RNGTT: variants seen among roughly 807,000 people sequenced by gnomAD.
RNGTT encodes the protein mRNA-capping enzyme.
In RNGTT, 33 loss-of-function variants were observed where a neutral mutation model predicts 79.3. That is an observed-to-expected ratio of 0.42 (90% CI 0.32 to 0.56). The LOEUF is 0.56. RNGTT is among the 20% of genes least tolerant of loss of function. RNGTT has a pLI of 0.17. For missense variants in RNGTT, 497 were observed against 739.1 expected (o/e 0.67, Z 3.80); for synonymous variants, 222 against 235.9 (o/e 0.94, Z 0.54).
intron 4 of RNGTT, among the ~76,000 whole-genome samples, chr6:88,913,227 CAAAAA>C (rs869096332): frequency 9.1e-6 from 1 of 110,300 alleles, no homozygotes. Flanking sequence ...AAAAAAAAAA[CAAAAA>C]AAAAAAAGCC....
chr6:88,616,952 GA>G (rs1424895096), intron 14 of RNGTT, among the ~76,000 whole-genome samples: 10 of 152,182 alleles, frequency 6.6e-5, no homozygotes, highest in Admixed American at 6.5e-4. Flanking sequence ...TTGCACACAA[GA>G]AATCATTGCC....
chr6:88,790,110 T>C (rs1393770817), intron 12 of RNGTT, among the ~76,000 whole-genome samples: 1 of 151,866 alleles, frequency 6.6e-6, no homozygotes, highest in Non-Finnish European at 1.5e-5. Flanking sequence ...CCCATAGCAA[T>C]GTAATTTTAA....
At chr6:88,909,960 A>C (rs1363823819) in intron 4 of RNGTT, among the ~76,000 whole-genome samples, 1 of 151,808 alleles carries the variant, frequency 6.6e-6, no homozygotes, top group Non-Finnish European at 1.5e-5. Flanking sequence ...CAAGGGAAAA[A>C]AGAATATTTA....
chr6:88,669,864 C>T (rs572088356), intron 14 of RNGTT, among the ~76,000 whole-genome samples: 7 of 152,222 alleles, frequency 4.6e-5, no homozygotes, highest in Admixed American at 1.3e-4. Context: ...TGAGTGGTCC[C>T]GTGAAAGAAT....
At chr6:88,842,542 G>A (rs2127899174) in intron 11 of RNGTT, among the ~76,000 whole-genome samples, 1 of 152,156 alleles carries the variant, frequency 6.6e-6, no homozygotes, top group Admixed American at 6.5e-5. Context: ...GAGAACACAG[G>A]GCATGAAGAA....
intron 14 of RNGTT, among the ~76,000 whole-genome samples, chr6:88,672,022 C>A (rs1047758852): frequency 6.6e-6 from 1 of 151,990 alleles, no homozygotes; most frequent in South Asian, 2.1e-4. Context: ...AAAAATAACA[C>A]TGGAAAAACT....
chr6:88,834,173 A>C (rs1780982708), intron 11 of RNGTT, among the ~76,000 whole-genome samples: 2 of 152,228 alleles, frequency 1.3e-5, no homozygotes, highest in South Asian at 4.1e-4. Context: ...AAAATCTTTC[A>C]TAGAAATATT....
intron 12 of RNGTT, among the ~76,000 whole-genome samples, chr6:88,791,601 A>G (rs1408486253): frequency 6.6e-6 from 1 of 151,986 alleles, no homozygotes; most frequent in Non-Finnish European, 1.5e-5. Context: ...GTGCAGTGGC[A>G]CAATCTCGGC....
At position 88,844,429 on chromosome 6, in the gene RNGTT, C is replaced by G. The variant is rs141939122; in HGVS notation, c.1197G>C (p.Gly399=). 26 of 1,613,838 alleles carry G rather than the reference C, an allele frequency of 1.6e-5. No individual in the cohort carries two copies. The highest frequency in any genetic ancestry group is 2.2e-5 in the Non-Finnish European group (26 of 1,179,932). The change falls in exon 11 of 16, where the codon GGG becomes GGC. Residue 399 remains glycine, a synonymous_variant. Coordinates refer to ENST00000369485, the MANE Select transcript of RNGTT (RefSeq NM_003800.5). ...ATGGTTCCTGTGTTTTGTCAATGAG[C>G]CCAGTCTTCATTTTTTCGTGTCGAG... ...ISPRHEKMKT[G]LIDKTQEPFS... is the part of the protein sequence containing the mutation.
intron 14 of RNGTT, among the ~76,000 whole-genome samples, chr6:88,666,409 A>G (rs1180738783): frequency 1.3e-5 from 2 of 152,224 alleles, no homozygotes; most frequent in Non-Finnish European, 1.5e-5. Context: ...TAACACAAGA[A>G]GTGGATAAAC....
intron 8 of RNGTT, among the ~76,000 whole-genome samples, chr6:88,857,991 T>C (rs1247184437): frequency 6.6e-6 from 1 of 152,174 alleles, no homozygotes; most frequent in African/African-American, 2.4e-5. Flanking sequence ...ACATTTTCCC[T>C]TTGCAAAGTG....
intron 13 of RNGTT, among the ~76,000 whole-genome samples, chr6:88,683,538 A>G (rs1775166414): frequency 6.6e-6 from 1 of 152,234 alleles, no homozygotes; most frequent in African/African-American, 2.4e-5. Context: ...AGAAAATAGA[A>G]AAGAATATTT....
intron 13 of RNGTT, among the ~76,000 whole-genome samples, chr6:88,755,777 A>G (rs1256505252): frequency 2.0e-5 from 3 of 151,942 alleles, no homozygotes; most frequent in East Asian, 3.9e-4. Context: ...CCTGAACAAG[A>G]TGGTGAAACC....
At chr6:88,622,177 T>G (rs896821322) in intron 14 of RNGTT, among the ~76,000 whole-genome samples, 1 of 152,166 alleles carries the variant, frequency 6.6e-6, no homozygotes, top group Non-Finnish European at 1.5e-5. Context: ...TTTTGTCTTT[T>G]GACAAATCAA....
chr6:88,863,315 T>C (rs985055655), intron 8 of RNGTT, among the ~76,000 whole-genome samples: 1 of 152,232 alleles, frequency 6.6e-6, no homozygotes, highest in African/African-American at 2.4e-5. Context: ...CTTTAGTTTA[T>C]ATGTGGCTTC....
At chr6:88,665,226 A>G (rs1422249912) in intron 14 of RNGTT, among the ~76,000 whole-genome samples, 1 of 152,162 alleles carries the variant, frequency 6.6e-6, no homozygotes, top group Non-Finnish European at 1.5e-5. Flanking sequence ...GTGGTGGCCA[A>G]AAGTATGCGC....
intron 11 of RNGTT, among the ~76,000 whole-genome samples, chr6:88,816,997 T>C (rs1780334450): frequency 6.6e-6 from 1 of 152,116 alleles, no homozygotes; most frequent in Admixed American, 6.5e-5. Context: ...AACTCAATCC[T>C]TAAAGTCTGG....
intron 8 of RNGTT, among the ~76,000 whole-genome samples, chr6:88,855,148 T>C (rs185504888): frequency 5.5e-4 from 83 of 152,182 alleles, no homozygotes; most frequent in Middle Eastern, 3.4e-3. Flanking sequence ...CCCAACCTCC[T>C]ACCCGCAAAG....
intron 2 of RNGTT, among the ~76,000 whole-genome samples, chr6:88,940,159 C>T (rs1023229475): frequency 1.3e-5 from 2 of 151,394 alleles, no homozygotes; most frequent in South Asian, 4.2e-4. Flanking sequence ...CTCACTGCAA[C>T]CTCCGCTTCC....
Sources: gnomAD v4.1 joint callset for allele counts (sites outside exome capture counted in the v4.1 genomes callset) on GRCh38, gnomAD v4.1.1 for gene constraint, MANE v1.5 for transcripts, NCBI Gene and HGNC (gene_info 2026-07-23, HGNC 2026-07-21) for gene names.